RALB: variants seen among roughly 807,000 people sequenced by gnomAD.
RALB encodes the protein RAS like proto-oncogene B.
RALB carries 16 observed loss-of-function variants against 21.3 expected under a neutral mutation model. The observed-to-expected ratio is 0.75, with a 90% confidence interval of 0.51 to 1.14. RALB has a LOEUF of 1.14. Among genes scored for constraint, RALB ranks in the 50% most tolerant of loss-of-function variants. RALB has a pLI of 0.00. For synonymous variants in RALB, 93 were observed against 96.1 expected, an observed-to-expected ratio of 0.97 and a Z score of 0.19; for missense variants, 161 against 256.2, an observed-to-expected ratio of 0.63 and a Z score of 2.54.
At chr2:120,284,626 C>G (rs552794432) in intron 2 of RALB, among the ~76,000 whole-genome samples, 1 of 152,298 alleles carries the variant, frequency 6.6e-6, no homozygotes, top group Admixed American at 6.5e-5. Flanking sequence ...TCTCGAACTC[C>G]TGACCTCAGG....
intron 1 of RALB, among the ~76,000 whole-genome samples, chr2:120,271,289 G>T (rs1298409581): frequency 6.6e-6 from 1 of 152,152 alleles, no homozygotes; most frequent in Non-Finnish European, 1.5e-5. Context: ...TATATGTTCT[G>T]GTATTTGGTT....
In RALB at chr2:120,284,965, C is replaced by T. The variant is rs551561109; in HGVS notation, c.115-909C>T. Among the ~76,000 whole-genome samples the T allele has an allele frequency of 8.5e-5, 13 of 152,286 alleles. 1 individual carries two copies. In the East Asian group the frequency reaches 2.5e-3, roughly 29 times the overall value. ...GTTGCAGCGTGCGTTGGTACTACTTCATTCCTTTCTCAAAAACCCACACCA... is the reference window on the plus strand; with the variant it reads ...GTTGCAGCGTGCGTTGGTACTACTTTATTCCTTTCTCAAAAACCCACACCA... On this transcript the variant is annotated intron_variant, in intron 2 of 4. Transcript: ENST00000272519.
intron 1 of RALB, among the ~76,000 whole-genome samples, chr2:120,266,395 C>G (rs934792774): frequency 4.6e-5 from 7 of 152,182 alleles, no homozygotes; most frequent in African/African-American, 1.4e-4. Flanking sequence ...CAGGTGTGTG[C>G]CACTACGCCC....
chr2:120,286,011 G>C lies in RALB; in HGVS notation c.252G>C (p.Arg84=). 6.2e-7 allele frequency: 1 copy of C among 1,614,056 alleles called. No homozygotes were observed. Among genetic ancestry groups the C allele is most frequent in the Non-Finnish European group, 8.5e-7 (1 of 1,180,012 alleles). ...CAGCCATTCGAGATAACTACTTTCG[G>C]AGTGGGGAAGGGTTTCTTCTTGTGT... ...DYAAIRDNYF[R]SGEGFLLVFS... is the part of the protein sequence containing the mutation. Residue 84 remains arginine, a synonymous_variant, in exon 3 of 5, where the codon CGG becomes CGC. Coordinates refer to ENST00000272519, the MANE Select transcript of RALB (RefSeq NM_002881.3).
chr2:120,277,685 GTGA>G, intron 1 of RALB, among the ~76,000 whole-genome samples: 2 of 15,652 alleles, frequency 1.3e-4, no homozygotes, highest in Middle Eastern at 0.071. Context: ...CGTGTTATGA[GTGA>G]AAGTGTGTAT....
At chr2:120,241,819 G>A (rs1172879907) in intron 1 of RALB, among the ~76,000 whole-genome samples, 3 of 152,222 alleles carry the variant, frequency 2.0e-5, no homozygotes, top group African/African-American at 7.2e-5. Flanking sequence ...CACTGCGGGT[G>A]GGAATGCGTA....
chr2:120,291,969 G>A (rs1340697929), intron 4 of RALB, among the ~76,000 whole-genome samples: 3 of 152,130 alleles, frequency 2.0e-5, no homozygotes, highest in Non-Finnish European at 4.4e-5. Context: ...GAAGATAAGG[G>A]CTGTGCTCAG....
At chr2:120,274,906 C>T (rs535874201) in intron 1 of RALB, among the ~76,000 whole-genome samples, 5 of 152,146 alleles carry the variant, frequency 3.3e-5, no homozygotes, top group South Asian at 4.2e-4. Flanking sequence ...TCATGAATTG[C>T]GATTTGCTTG....
At chr2:120,249,952 A>C (rs1236256076), upstream of RALB, among the ~76,000 whole-genome samples, 1 of 152,182 alleles carries the variant, frequency 6.6e-6, no homozygotes. Flanking sequence ...GCACAGGCTT[A>C]TGCCTCTGCC....
intron 1 of RALB, among the ~76,000 whole-genome samples, chr2:120,264,201 A>T (rs1336143684): frequency 6.6e-6 from 1 of 151,780 alleles, no homozygotes; most frequent in Non-Finnish European, 1.5e-5. Flanking sequence ...CTCAGGCTGG[A>T]GTGTAGTGGT....
rs1044830813 is a variant in RALB, at chr2:120,278,166, G to A, written c.-47-452G>A. 3.3e-5 allele frequency among the ~76,000 whole-genome samples: 5 copies of A among 152,128 alleles called. No individual in the cohort carries two copies. In the South Asian group the frequency reaches 6.2e-4, roughly 19 times the overall value. On this transcript the variant is annotated intron_variant, in intron 1 of 4. Transcript: ENST00000272519. ...GTGTGAGCGTGTTGTGAGTGTGTGC[G>A]TGTTGTGGGGTAGAGGGTAAGAGGG...
chr2:120,281,377 T>A (rs979599997), intron 2 of RALB, among the ~76,000 whole-genome samples: 1 of 152,244 alleles, frequency 6.6e-6, no homozygotes, highest in African/African-American at 2.4e-5. Flanking sequence ...GGTATTCCCT[T>A]CGCCTCACTG....
upstream of RALB, among the ~76,000 whole-genome samples, chr2:120,249,058 G>A (rs552092117): frequency 3.4e-5 from 5 of 146,816 alleles, no homozygotes; most frequent in South Asian, 6.5e-4. Context: ...TTTTTAAGAC[G>A]GAGTCTTGCT....
chr2:120,285,938 A>T lies in RALB; in HGVS notation c.179A>T (p.Glu60Val). 1 of 1,614,092 alleles carries T rather than the reference A, an allele frequency of 6.2e-7. No homozygotes were observed. The highest frequency in any genetic ancestry group is 8.5e-7 in the Non-Finnish European group (1 of 1,179,968). Residue 60 changes from glutamate (E) to valine (V), a missense_variant, in exon 3 of 5, where the codon GAA becomes GTA. Transcript: ENST00000272519. ...AGAAAGAAAGTGGTTCTTGATGGGG[A>T]AGAAGTTCAGATAGATATTCTGGAC... The part of the protein sequence containing the change: ...SYRKKVVLDG[E>V]EVQIDILDTA...
chr2:120,258,769 C>T (rs1442614181), intron 1 of RALB, among the ~76,000 whole-genome samples: 1 of 152,234 alleles, frequency 6.6e-6, no homozygotes, highest in African/African-American at 2.4e-5. Flanking sequence ...TCAAAAATGA[C>T]TTCCAGGTCC....
upstream of RALB, among the ~76,000 whole-genome samples, chr2:120,249,022 C>G (rs1317093092): frequency 3.5e-5 from 5 of 144,810 alleles, no homozygotes; most frequent in East Asian, 9.9e-4. Flanking sequence ...CCTGTTTGAA[C>G]CTTGTGTTAG....
Position 120,285,915 on chromosome 2 carries a change from A to G in RALB, c.156A>G (p.Arg52=). The change falls in exon 3 of 5, where the codon AGA becomes AGG. Residue 52 remains arginine, a synonymous_variant. Transcript: ENST00000272519. ...DYEPTKADSY[R]KKVVLDGEEV... ...AACCTACCAAAGCTGACAGTTATAG[A>G]AAGAAAGTGGTTCTTGATGGGGAAG... is the stretch of plus-strand genomic sequence containing the variant. The G allele has an allele frequency of 6.2e-7, 1 of 1,614,026 alleles. No individual in the cohort carries two copies.
chr2:120,284,095 C>T (rs775694192), intron 2 of RALB, among the ~76,000 whole-genome samples: 12 of 151,952 alleles, frequency 7.9e-5, no homozygotes, highest in East Asian at 1.9e-4. Flanking sequence ...ATTTTTTTGG[C>T]GTGTATTTTT....
In RALB at chr2:120,267,758, C is replaced by T. The variant is rs142694441; in HGVS notation, c.-47-10860C>T. ...AAAAATTTGGACTTTTATGTGAAAT[C>T]GTTCTTTAAAAAATGTAAGTAACTA... On this transcript the variant is annotated intron_variant, in intron 1 of 4. Coordinates refer to ENST00000272519, the MANE Select transcript of RALB (RefSeq NM_002881.3). Among the ~76,000 whole-genome samples the T allele has an allele frequency of 2.3e-3, 349 of 152,098 alleles. 1 individual carries two copies. Among genetic ancestry groups the T allele is most frequent in the African/African-American group, 7.3e-3 (302 of 41,472 alleles).
Sources: gnomAD v4.1 joint callset for allele counts (sites outside exome capture counted in the v4.1 genomes callset) on GRCh38, gnomAD v4.1.1 for gene constraint, MANE v1.5 for transcripts, NCBI Gene and HGNC (gene_info 2026-07-23, HGNC 2026-07-21) for gene names.